MYCBP2: variants seen among roughly 807,000 people sequenced by gnomAD.
MYCBP2 encodes the protein E3 ubiquitin-protein ligase MYCBP2.
A neutral mutation model predicts 525.3 loss-of-function variants in MYCBP2; 120 were observed. The observed-to-expected ratio is 0.23, with a 90% CI of 0.20 to 0.27. MYCBP2 has a LOEUF of 0.27. Among genes scored for constraint, MYCBP2 ranks in the 10% least tolerant of loss-of-function variants. The pLI is 1.00. For synonymous variants in MYCBP2, 1,894 were observed against 1,955.8 expected, an observed-to-expected ratio of 0.97 and a Z score of 0.83; for missense variants, 4,149 against 5,657.1, an observed-to-expected ratio of 0.73 and a Z score of 8.55.
At chr13:77,073,518 T>C (rs2041740749) in intron 68 of MYCBP2, among the ~76,000 whole-genome samples, 1 of 152,152 alleles carries the variant, frequency 6.6e-6, no homozygotes, top group Non-Finnish European at 1.5e-5. Context: ...CTATTCAGCA[T>C]GGCGCTTAAG....
intron 52 of MYCBP2, among the ~76,000 whole-genome samples, chr13:77,130,351 C>T (rs2052534011): frequency 1.3e-5 from 2 of 151,150 alleles, no homozygotes; most frequent in Admixed American, 1.3e-4. Context: ...CTCATTATCT[C>T]ATTTTAGATA....
intron 21 of MYCBP2, among the ~76,000 whole-genome samples, 194 bp downstream of exon 21, chr13:77,217,646 T>C (rs1184127355): frequency 6.6e-6 from 1 of 152,096 alleles, no homozygotes; most frequent in African/African-American, 2.4e-5. Flanking sequence ...AATGCTGAGC[T>C]AGAGAGGAAA....
rs1438813745 is a variant in MYCBP2, at chr13:77,273,188, G to C, written c.945+284C>G. Among the ~76,000 whole-genome samples the C allele has an allele frequency of 2.0e-5, 3 of 152,086 alleles. No homozygotes were observed. In the East Asian group the frequency reaches 5.8e-4, roughly 29 times the overall value. ...AAAGATGGGAAGAAGGGAGAACGCA[G>C]ACAGCAAGAAAACAGCAAGGAAAGA... On this transcript the variant is annotated intron_variant, in intron 5 of 82. Coordinates refer to ENST00000544440, the MANE Select transcript of MYCBP2 (RefSeq NM_015057.5).
At chr13:77,281,709 A>G (rs931700320) in intron 3 of MYCBP2, among the ~76,000 whole-genome samples, 2 of 152,210 alleles carry the variant, frequency 1.3e-5, no homozygotes, top group East Asian at 1.9e-4. Flanking sequence ...GAAAAATGAT[A>G]TATAAAGAGT....
At chr13:77,269,288 C>T (rs2074534087) in intron 7 of MYCBP2, among the ~76,000 whole-genome samples, 2 of 152,172 alleles carry the variant, frequency 1.3e-5, no homozygotes, top group Admixed American at 6.5e-5. Context: ...ATGAAAGAGT[C>T]TGTGGTAAGA....
intron 62 of MYCBP2, among the ~76,000 whole-genome samples, chr13:77,084,883 C>G (rs1182910767): frequency 6.6e-6 from 1 of 151,948 alleles, no homozygotes; most frequent in African/African-American, 2.4e-5. Context: ...TCCCACATCC[C>G]AAAGTTACAG....
At chr13:77,107,761 T>A (rs1214595264) in intron 55 of MYCBP2, among the ~76,000 whole-genome samples, 1 of 151,680 alleles carries the variant, frequency 6.6e-6, no homozygotes, top group Non-Finnish European at 1.5e-5. Flanking sequence ...TACATAAAAT[T>A]AAAAAAATAA....
intron 60 of MYCBP2, among the ~76,000 whole-genome samples, chr13:77,089,645 C>CTCTTTTTTTT (rs1566471622): frequency 6.9e-6 from 1 of 145,280 alleles, no homozygotes; most frequent in Non-Finnish European, 1.5e-5. Flanking sequence ...GATCATGTAA[C>CTCTTTTTTTT]TGTTTTTTTT....
At position 77,096,384 on chromosome 13, in the gene MYCBP2, G is replaced by A. The variant is rs759815415; in HGVS notation, c.9882C>T (p.Ser3294=). The change falls in exon 57 of 83, where the codon AGC becomes AGT. Residue 3294 remains serine (S), a synonymous_variant. Coordinates refer to ENST00000544440, the MANE Select transcript of MYCBP2 (RefSeq NM_015057.5). ...GNCGDGGIGG[S]TWYLVCDRCR... ...AGCGATCACATACCAGATACCAAGT[G>A]CTTCCTCCTATGCCACCATCACCAC... The A allele has an allele frequency of 1.2e-6, 2 of 1,613,316 alleles. No individual in the cohort carries two copies. The highest frequency in any genetic ancestry group is 3.3e-5 in the Admixed American group (2 of 59,928).
rs187672220 is a variant in MYCBP2, at chr13:77,069,976, C to T, written c.11904+655G>A. On this transcript the variant is annotated intron_variant, in intron 69 of 82. Coordinates refer to ENST00000544440, the MANE Select transcript of MYCBP2 (RefSeq NM_015057.5). Reference sequence around the variant, plus strand: ...GCACCCCATTATATGAACAATATAGCGCTATTTCCTCACCTGGTTATATTT... The same window carrying T: ...GCACCCCATTATATGAACAATATAGTGCTATTTCCTCACCTGGTTATATTT... Among the ~76,000 whole-genome samples, 653 of 152,068 alleles carry T rather than the reference C, an allele frequency of 4.3e-3. 12 individuals are homozygous for T. The highest frequency in any genetic ancestry group is 3.6e-3 in the Non-Finnish European group (243 of 67,988).
intron 18 of MYCBP2, among the ~76,000 whole-genome samples, chr13:77,232,513 C>G (rs2067272296): frequency 6.6e-6 from 1 of 152,200 alleles, no homozygotes; most frequent in Non-Finnish European, 1.5e-5. Flanking sequence ...ACCCAGAACT[C>G]TGAGATCTCA....
intron 52 of MYCBP2, among the ~76,000 whole-genome samples, chr13:77,138,031 C>T (rs2054023759): frequency 6.6e-6 from 1 of 152,112 alleles, no homozygotes; most frequent in Non-Finnish European, 1.5e-5. Context: ...TTATTTTTAA[C>T]TGCAGGTATA....
chr13:77,087,456 G>A (rs1266921683), intron 62 of MYCBP2, 28 bp downstream of exon 62: 2 of 1,564,962 alleles, frequency 1.3e-6, no homozygotes. Flanking sequence ...ATAAAAATAT[G>A]CACAATCAAA....
At chr13:77,134,123 T>C (rs1566655037) in intron 52 of MYCBP2, among the ~76,000 whole-genome samples, 1 of 152,144 alleles carries the variant, frequency 6.6e-6, no homozygotes, top group Non-Finnish European at 1.5e-5. Flanking sequence ...CACCAACCAA[T>C]TTTTGAGTCT....
At chr13:77,276,815 A>ATTTTTTTTTTTTT (rs2075653211) in intron 4 of MYCBP2, among the ~76,000 whole-genome samples, 1 of 83,302 alleles carries the variant, frequency 1.2e-5, no homozygotes, top group African/African-American at 4.9e-5. Flanking sequence ...TTCCATGCCC[A>ATTTTTTTTTTTTT]GTTTTTTTTT....
intron 26 of MYCBP2, among the ~76,000 whole-genome samples, chr13:77,200,427 G>C (rs1381787458): frequency 1.3e-5 from 2 of 151,862 alleles, no homozygotes; most frequent in Non-Finnish European, 2.9e-5. Flanking sequence ...TGGTGTACCT[G>C]AAAGTGATGG....
At chr13:77,106,932 A>G (rs1413974064) in intron 55 of MYCBP2, among the ~76,000 whole-genome samples, 1 of 152,156 alleles carries the variant, frequency 6.6e-6, no homozygotes, top group African/African-American at 2.4e-5. Context: ...TATTGGCAAG[A>G]GCTTGAGGAG....
chr13:77,216,720 G>C (rs1371863147), intron 21 of MYCBP2, among the ~76,000 whole-genome samples: 1 of 152,028 alleles, frequency 6.6e-6, no homozygotes, highest in South Asian at 2.1e-4. Flanking sequence ...TGTTATAATA[G>C]ACAATACATA....
At chr13:77,070,538 T>C in intron 69 of MYCBP2, 93 bp downstream of exon 69, 2 of 879,184 alleles carry the variant, frequency 2.3e-6, no homozygotes, top group Admixed American at 2.1e-5. Flanking sequence ...ATCCCTGCTT[T>C]ATACCCTAAT....
Sources: allele counts gnomAD v4.1 joint callset (sites outside exome capture counted in the v4.1 genomes callset), GRCh38; gene constraint gnomAD v4.1.1; transcripts MANE v1.5; gene names NCBI Gene and HGNC (gene_info 2026-07-23, HGNC 2026-07-21).